TMEM169: variants seen among roughly 807,000 people sequenced by gnomAD.
TMEM169 encodes transmembrane protein 169.
TMEM169 carries 18 observed loss-of-function variants against 27.3 expected under a neutral mutation model. The ratio of observed to expected loss-of-function variants is 0.66; its 90% CI spans 0.46 to 0.98. The LOEUF (loss-of-function observed/expected upper bound fraction) is 0.98, where lower values mean the gene tolerates loss of function less well. Ranked by LOEUF, TMEM169 falls within the 50% of genes least tolerant of loss-of-function variation. The probability of loss-of-function intolerance (pLI) is 0.00; values close to 1 mark genes in which losing one functional copy is unlikely to be tolerated. For missense variants in TMEM169, 320 were observed against 368.6 expected, an observed-to-expected ratio of 0.87 and a Z score of 1.08; for synonymous variants, 136 against 142.1, an observed-to-expected ratio of 0.96 and a Z score of 0.30.
chr2:216,085,284 G>T (rs112135445), intron 1 of TMEM169, among the ~76,000 whole-genome samples: 2 of 152,076 alleles, frequency 1.3e-5, no homozygotes, highest in African/African-American at 4.8e-5. Context: ...GGTGGCACAC[G>T]CCTGTAATCT....
In TMEM169 at chr2:216,095,988, G is replaced by A; in HGVS notation, c.25G>A (p.Gly9Ser). The change falls in exon 2 of 3, where the codon GGC (glycine) becomes AGC (serine). Residue 9 changes from glycine (G) to serine (S), a missense_variant. By Grantham distance (56) the Gly-to-Ser change is moderately conservative (BLOSUM62 0). Transcript: ENST00000437356. MEEPTAVE[G>S]QVQLPSPHQG... is the part of the protein sequence containing the mutation. ...AATGGAAGAGCCAACAGCAGTAGAA[G>A]GCCAGGTCCAGCTTCCAAGCCCCCA... The A allele has an allele frequency of 6.2e-7, 1 of 1,613,812 alleles. No homozygotes were observed. The highest frequency in any genetic ancestry group is 8.5e-7 in the Non-Finnish European group (1 of 1,179,986).
At chr2:216,093,724 C>G (rs190981751) in intron 1 of TMEM169, among the ~76,000 whole-genome samples, 1 of 152,204 alleles carries the variant, frequency 6.6e-6, no homozygotes, top group Admixed American at 6.5e-5. Flanking sequence ...CAGAGGAGAA[C>G]TCCCCTGCCT....
Position 216,099,735 on chromosome 2 carries a change from T to C in TMEM169, c.272-185T>C, listed in dbSNP as rs1225182207. Among the ~76,000 whole-genome samples the C allele has an allele frequency of 6.6e-6, 1 of 152,018 alleles. No individual in the cohort carries two copies. Among genetic ancestry groups the C allele is most frequent in the African/African-American group, 2.4e-5 (1 of 41,374 alleles). On this transcript the variant is annotated intron_variant, in intron 2 of 2. Transcript: ENST00000437356. This position sits in a 1 kb window ranked among gnomAD's most constrained non-coding sequence, Gnocchi z 5.0. The stretch of plus-strand genomic sequence containing the variant: ...GGACTGAGAGTTCATGTGGGAGCAA[T>C]AACACCAGTGGTCACTCTCCCGAGG...
rs1696343515 is a variant in TMEM169, at chr2:216,099,802, G to A, written c.272-118G>A. 3.6e-6 allele frequency: 5 copies of A among 1,372,738 alleles called. No homozygotes were observed. In the East Asian group the frequency reaches 9.2e-5, roughly 25 times the overall value. 85.0% of individuals were successfully genotyped at this position (1,372,738 alleles called of 1,614,324 possible). ...GCCATTGAATCACTGACTCAGGACT[G>A]TGCCAGATGGTGTAAAAAAGGCTAC... On this transcript the variant is annotated intron_variant, in intron 2 of 2. Transcript: ENST00000437356. The surrounding 1 kb of genome is among the most constrained non-coding windows in gnomAD (Gnocchi z 5.0).
Position 216,100,336 on chromosome 2 carries a change from G to A in TMEM169, c.688G>A (p.Ala230Thr), listed in dbSNP as rs764091801. The change falls in exon 3 of 3, where the codon GCT (alanine) becomes ACT (threonine). Residue 230 changes from alanine (A) to threonine (T), a missense_variant. By Grantham distance (58) the Ala-to-Thr change is moderately conservative (BLOSUM62 0). Transcript: ENST00000437356. ...GGCTTCTTCCCTCGGCCTCTACGCT[G>A]CTGTGGTCCAGCTCTCGTGGTCCTG... ...AMASSLGLYA[A>T]VVQLSWSWEA... The A allele has an allele frequency of 6.2e-7, 1 of 1,613,850 alleles. No individual in the cohort carries two copies. The highest frequency in any genetic ancestry group is 1.3e-5 in the African/African-American group (1 of 74,816).
chr2:216,100,313 C>G lies in TMEM169; in HGVS notation c.665C>G (p.Ala222Gly). 1 of 1,614,012 alleles carries G rather than the reference C, an allele frequency of 6.2e-7. No individual in the cohort carries two copies. The highest frequency in any genetic ancestry group is 8.5e-7 in the Non-Finnish European group (1 of 1,180,004). The change falls in exon 3 of 3, where the codon GCT becomes GGT. Residue 222 changes from alanine to glycine, a missense_variant. By Grantham distance (60) the Ala-to-Gly change is moderately conservative. Transcript: ENST00000437356. ...LFYPVLIMAM[A>G]SSLGLYAAVV... Reference sequence around the variant, plus strand: ...TATCCAGTGCTCATCATGGCCATGGCTTCTTCCCTCGGCCTCTACGCTGCT... The same window carrying G: ...TATCCAGTGCTCATCATGGCCATGGGTTCTTCCCTCGGCCTCTACGCTGCT...
chr2:216,096,568 T>C (rs551667102), intron 2 of TMEM169, among the ~76,000 whole-genome samples: 1 of 152,302 alleles, frequency 6.6e-6, no homozygotes, highest in Admixed American at 6.5e-5. Flanking sequence ...TTTCACCATG[T>C]TGTCCAGGTT....
intron 1 of TMEM169, among the ~76,000 whole-genome samples, chr2:216,086,761 A>G (rs779924732): frequency 6.6e-6 from 1 of 152,230 alleles, no homozygotes; most frequent in African/African-American, 2.4e-5. Context: ...ACAGTTCCTA[A>G]ACTCTAGAAG....
chr2:216,093,100 A>T (rs565435312), intron 1 of TMEM169, among the ~76,000 whole-genome samples: 74 of 151,554 alleles, frequency 4.9e-4, no homozygotes, highest in Non-Finnish European at 9.6e-4. Context: ...ATATATGTAT[A>T]TCCTGGAACT....
chr2:216,090,854 T>C (rs935640463), intron 1 of TMEM169, among the ~76,000 whole-genome samples: 2 of 152,236 alleles, frequency 1.3e-5, no homozygotes, highest in African/African-American at 4.8e-5. Context: ...TATTCCAGAC[T>C]TGCAGGAAAC....
At chr2:216,088,181 C>A (rs939692733) in intron 1 of TMEM169, among the ~76,000 whole-genome samples, 1 of 151,330 alleles carries the variant, frequency 6.6e-6, no homozygotes, top group Non-Finnish European at 1.5e-5. Context: ...ACAAACAGGC[C>A]GGGTGCAGTG....
intron 1 of TMEM169, among the ~76,000 whole-genome samples, chr2:216,084,717 A>G (rs1695957102): frequency 6.6e-6 from 1 of 152,192 alleles, no homozygotes; most frequent in Admixed American, 6.5e-5. Context: ...ACAAGGACTC[A>G]AAAAAACAAA....
At chr2:216,096,591 C>G (rs1335344716) in intron 2 of TMEM169, among the ~76,000 whole-genome samples, 1 of 152,176 alleles carries the variant, frequency 6.6e-6, no homozygotes, top group African/African-American at 2.4e-5. Context: ...TCTCGAACTC[C>G]TGGCCTCAAG....
intron 1 of TMEM169, chr2:216,082,628 G>T (rs1078103): frequency 0.31 from 47,227 of 152,202 alleles, 8,002 homozygotes; most frequent in East Asian, 0.67. Flanking sequence ...GGGTGAGCCC[G>T]CTGAGGATGG....
At chr2:216,084,899 G>A (rs974435773) in intron 1 of TMEM169, among the ~76,000 whole-genome samples, 1 of 152,220 alleles carries the variant, frequency 6.6e-6, no homozygotes, top group African/African-American at 2.4e-5. Context: ...GCAGGATGGG[G>A]AGGTCCTTAG....
At chr2:216,090,784 C>A (rs957705839) in intron 1 of TMEM169, among the ~76,000 whole-genome samples, 1 of 152,202 alleles carries the variant, frequency 6.6e-6, no homozygotes, top group African/African-American at 2.4e-5. Context: ...ACCTTTACTT[C>A]TTGGGTAATT....
At chr2:216,088,606 T>C (rs1348909678) in intron 1 of TMEM169, among the ~76,000 whole-genome samples, 1 of 152,204 alleles carries the variant, frequency 6.6e-6, no homozygotes, top group Non-Finnish European at 1.5e-5. Flanking sequence ...GAGGCTGAGG[T>C]GAGAGGATTG....
intron 1 of TMEM169, among the ~76,000 whole-genome samples, 165 bp from the exon 2 acceptor site, chr2:216,095,673 T>C (rs1696246269): frequency 6.6e-6 from 1 of 152,194 alleles, no homozygotes; most frequent in Admixed American, 6.5e-5. Flanking sequence ...AGCAAAAGTT[T>C]ATTCACTGTC....
At chr2:216,086,312 C>G (rs1695996844) in intron 1 of TMEM169, among the ~76,000 whole-genome samples, 1 of 152,114 alleles carries the variant, frequency 6.6e-6, no homozygotes, top group Non-Finnish European at 1.5e-5. Context: ...ATCCACCTGC[C>G]TCGGCCTCCC....
Sources: gnomAD v4.1 joint callset for allele counts (sites outside exome capture counted in the v4.1 genomes callset) on GRCh38, gnomAD v4.1.1 for gene constraint, Gnocchi (gnomAD v3.1) non-coding constraint, MANE v1.5 for transcripts, NCBI Gene and HGNC (gene_info 2026-07-23, HGNC 2026-07-21) for gene names.